BCAS3: variants seen among roughly 807,000 people sequenced by gnomAD.
The protein encoded by BCAS3 is BCAS4/BCAS3 fusion.
A neutral mutation model predicts 116.1 loss-of-function variants in BCAS3; 53 were observed. The ratio of observed to expected loss-of-function variants is 0.46; its 90% confidence interval spans 0.37 to 0.57. BCAS3 has a LOEUF of 0.57. BCAS3 is among the 20% of genes least tolerant of loss of function. The pLI is 0.00. For missense variants in BCAS3, 917 were observed against 1,165.4 expected, an observed-to-expected ratio of 0.79 and a Z score of 3.10; for synonymous variants, 391 against 408.2, an observed-to-expected ratio of 0.96 and a Z score of 0.51.
chr17:61,146,716 A>G (rs898578287), intron 22 of BCAS3, among the ~76,000 whole-genome samples: 4 of 152,162 alleles, frequency 2.6e-5, no homozygotes, highest in African/African-American at 7.2e-5. Flanking sequence ...GAGTAAAAAG[A>G]TGAGATTGTA....
Position 60,961,240 on chromosome 17 carries a change from G to T in BCAS3, c.1221+13888G>T, listed in dbSNP as rs1169874125. On this transcript the variant is annotated intron_variant, in intron 14 of 23. Transcript: ENST00000407086. The surrounding 1 kb of genome is among the most constrained non-coding windows in gnomAD (Gnocchi z 4.8). ...TTTTGTCATTTAGCTATGATGGAAT[G>T]ATAGGAACTGGATTAAACCTCTGTA... Among the ~76,000 whole-genome samples, 1 of 152,162 alleles carries T rather than the reference G, an allele frequency of 6.6e-6. No individual in the cohort carries two copies. Among genetic ancestry groups the T allele is most frequent in the Non-Finnish European group, 1.5e-5 (1 of 68,038 alleles).
rs1360710977 is a variant in BCAS3, at chr17:61,095,422, A to G, written c.2425+10858A>G. ...TGTATTAAATGTTGATAGATATAGT[A>G]CATATAAACCAAAGATCTTTGGGGT... On this transcript the variant is annotated intron_variant, in intron 22 of 23. Transcript: ENST00000407086. This position sits in a 1 kb window ranked among gnomAD's most constrained non-coding sequence, Gnocchi z 4.7. 6.6e-6 allele frequency among the ~76,000 whole-genome samples: 1 copy of G among 152,182 alleles called. No homozygotes were observed. The highest frequency in any genetic ancestry group is 1.9e-4 in the East Asian group (1 of 5,200).
At chr17:60,725,369 C>T (rs1420267350) in intron 5 of BCAS3, among the ~76,000 whole-genome samples, 2 of 152,142 alleles carry the variant, frequency 1.3e-5, no homozygotes, top group Non-Finnish European at 2.9e-5. Context: ...CCACTCTAGC[C>T]CTTCTTGCTA....
intron 17 of BCAS3, among the ~76,000 whole-genome samples, chr17:61,036,568 T>G (rs16944770): frequency 0.15 from 23,418 of 152,142 alleles, 5,719 homozygotes; most frequent in African/African-American, 0.52. Flanking sequence ...TTTTTAACTT[T>G]CTACTCCTTT....
At chr17:60,724,700 C>T (rs919938419) in intron 5 of BCAS3, among the ~76,000 whole-genome samples, 3 of 146,654 alleles carry the variant, frequency 2.0e-5, no homozygotes, top group Admixed American at 6.9e-5. Flanking sequence ...TCTAGCCTGA[C>T]AACAGAGTGA....
chr17:61,164,393 C>G (rs2078359471), intron 22 of BCAS3, among the ~76,000 whole-genome samples: 1 of 152,008 alleles, frequency 6.6e-6, no homozygotes, highest in African/African-American at 2.4e-5. Flanking sequence ...TAGTTCACAC[C>G]TGTAATGCCA....
rs1800199840 is a variant in BCAS3, at chr17:61,032,683, G to A, written c.1638-1983G>A. The stretch of plus-strand genomic sequence containing the variant: ...TCCTTTCTGGAGGTATGTTACTACA[G>A]TTGTGACAGATGCAAGTATGAAGAG... On this transcript the variant is annotated intron_variant, in intron 16 of 23. Coordinates refer to ENST00000407086, the MANE Select transcript of BCAS3 (RefSeq NM_017679.5). The surrounding 1 kb of genome is among the most constrained non-coding windows in gnomAD (Gnocchi z 4.6). 6.6e-6 allele frequency among the ~76,000 whole-genome samples: 1 copy of A among 152,168 alleles called. No individual in the cohort carries two copies. The highest frequency in any genetic ancestry group is 2.1e-4 in the South Asian group (1 of 4,836).
At chr17:61,369,732 G>A (rs2143525775) in intron 23 of BCAS3, among the ~76,000 whole-genome samples, 1 of 152,348 alleles carries the variant, frequency 6.6e-6, no homozygotes, top group East Asian at 1.9e-4. Flanking sequence ...GGAAGAGGGG[G>A]AGCTTGGCTA....
intron 15 of BCAS3, among the ~76,000 whole-genome samples, chr17:61,010,567 G>T (rs2065044245): frequency 6.6e-6 from 1 of 151,776 alleles, no homozygotes; most frequent in African/African-American, 2.4e-5. Flanking sequence ...AATGGTTCTG[G>T]TGTAATGGCT....
At chr17:60,972,433 T>A (rs1192311131) in intron 14 of BCAS3, among the ~76,000 whole-genome samples, 1 of 148,446 alleles carries the variant, frequency 6.7e-6, no homozygotes, top group African/African-American at 2.5e-5. Flanking sequence ...TGGGCTTTTA[T>A]CTCACTTGGC....
At chr17:61,115,806 G>A (rs1451206696) in intron 22 of BCAS3, among the ~76,000 whole-genome samples, 1 of 150,504 alleles carries the variant, frequency 6.6e-6, no homozygotes. Context: ...GTTTATTGCG[G>A]CATTATTCAC....
intron 22 of BCAS3, among the ~76,000 whole-genome samples, chr17:61,301,606 G>A (rs908970367): frequency 7.2e-5 from 11 of 152,066 alleles, no homozygotes; most frequent in African/African-American, 1.9e-4. Flanking sequence ...CATTGCAGCC[G>A]GATGACAGTG....
chr17:61,021,558 A>G lies in BCAS3; in HGVS notation c.1637+5657A>G, dbSNP rs1046649181. 5.3e-5 allele frequency among the ~76,000 whole-genome samples: 8 copies of G among 152,132 alleles called. No individual in the cohort carries two copies. Among genetic ancestry groups the G allele is most frequent in the African/African-American group, 1.9e-4 (8 of 41,428 alleles). The stretch of plus-strand genomic sequence containing the variant: ...CTTCACCTGAAAAAAAAAAGTTTAT[A>G]TATATGGATTATAATCTTTTAATCC... On this transcript the variant is annotated intron_variant, in intron 16 of 23. Transcript: ENST00000407086. This position sits in a 1 kb window ranked among gnomAD's most constrained non-coding sequence, Gnocchi z 4.6.
chr17:61,380,674 G>C lies in BCAS3; in HGVS notation c.2594-11303G>C, dbSNP rs2059564914. On this transcript the variant is annotated intron_variant, in intron 23 of 23. Coordinates refer to ENST00000407086, the MANE Select transcript of BCAS3 (RefSeq NM_017679.5). The surrounding 1 kb of genome is among the most constrained non-coding windows in gnomAD (Gnocchi z 4.2). ...TACCCCCTCGTGCCCAGGCCCAGGA[G>C]CACTCTAGGGAGGGCAGGGGTCAGC... 2 of 1,081,618 alleles carry C rather than the reference G, an allele frequency of 1.8e-6. No homozygotes were observed. Among genetic ancestry groups the C allele is most frequent in the Non-Finnish European group, 2.7e-6 (2 of 731,108 alleles). 67.0% of individuals were successfully genotyped at this position (1,081,618 alleles called of 1,614,324 possible).
At chr17:60,778,342 G>A (rs142343415) in intron 6 of BCAS3, among the ~76,000 whole-genome samples, 28 of 151,922 alleles carry the variant, frequency 1.8e-4, no homozygotes, top group Middle Eastern at 3.4e-3. Context: ...TATATTTTTA[G>A]TTAATTTTAT....
At chr17:61,373,808 GTT>G (rs1169897447) in intron 23 of BCAS3, among the ~76,000 whole-genome samples, 4 of 101,238 alleles carry the variant, frequency 4.0e-5, no homozygotes, top group African/African-American at 1.8e-4. Context: ...CTTCTTCTTT[GTT>G]TTTTTTTTTT....
intron 7 of BCAS3, among the ~76,000 whole-genome samples, chr17:60,855,520 T>G (rs1257060967): frequency 3.4e-5 from 5 of 146,250 alleles, no homozygotes; most frequent in Non-Finnish European, 7.5e-5. Flanking sequence ...AGTGGTGAGA[T>G]CTCGGCTCAC....
chr17:61,013,719 C>G lies in BCAS3; in HGVS notation c.1487-2032C>G, dbSNP rs2065255724. ...CGATTTATTTTATTTGCATGAATTT[C>G]TTATCTTTCCCCATATTTTACAAAA... On this transcript the variant is annotated intron_variant, in intron 15 of 23. Coordinates refer to ENST00000407086, the MANE Select transcript of BCAS3 (RefSeq NM_017679.5). The surrounding 1 kb of genome is among the most constrained non-coding windows in gnomAD (Gnocchi z 4.4). Among the ~76,000 whole-genome samples the G allele has an allele frequency of 6.6e-6, 1 of 152,060 alleles. No homozygotes were observed. Among genetic ancestry groups the G allele is most frequent in the Non-Finnish European group, 1.5e-5 (1 of 67,966 alleles).
intron 22 of BCAS3, among the ~76,000 whole-genome samples, chr17:61,168,022 C>T (rs2078620470): frequency 6.6e-6 from 1 of 152,162 alleles, no homozygotes; most frequent in Non-Finnish European, 1.5e-5. Context: ...CGCTGCCTGC[C>T]TCCTGATGGT....
Sources: gnomAD v4.1 joint callset for allele counts (sites outside exome capture counted in the v4.1 genomes callset) on GRCh38, gnomAD v4.1.1 for gene constraint, Gnocchi (gnomAD v3.1) non-coding constraint, MANE v1.5 for transcripts, NCBI Gene and HGNC (gene_info 2026-07-23, HGNC 2026-07-21) for gene names.